POLR3E: variants seen among roughly 807,000 people sequenced by gnomAD.
POLR3E encodes the protein DNA-directed RNA polymerase III subunit RPC5.
Under a neutral mutation model 96.6 loss-of-function variants are expected in POLR3E, and 41 were observed. The ratio of observed to expected loss-of-function variants is 0.42; its 90% CI spans 0.33 to 0.55. The LOEUF is 0.55. POLR3E is among the 20% of genes least tolerant of loss of function. POLR3E has a pLI of 0.06. For missense variants in POLR3E, 849 were observed against 952.1 expected (o/e 0.89, Z 1.43); for synonymous variants, 396 against 383.6 (o/e 1.03, Z -0.38).
chr16:22,300,683 T>C (rs1009298839), intron 1 of POLR3E, among the ~76,000 whole-genome samples: 18 of 152,232 alleles, frequency 1.2e-4, no homozygotes, highest in Non-Finnish European at 2.5e-4. Context: ...CGAGATGCAC[T>C]GAAACTGTCC....
In POLR3E at chr16:22,316,852, C is replaced by A. The variant is rs376574532; in HGVS notation, c.729-143C>A. Reference sequence around the variant, plus strand: ...GGTGGGCCTGGAAAGAGATGGTCCACTTTTCTGCAGGGGCTCAGGGCTGCT... The same window carrying A: ...GGTGGGCCTGGAAAGAGATGGTCCAATTTTCTGCAGGGGCTCAGGGCTGCT... On this transcript the variant is annotated intron_variant, in intron 10 of 20. Coordinates refer to ENST00000299853, the MANE Select transcript of POLR3E (RefSeq NM_018119.4). 4 of 914,104 alleles carry A rather than the reference C, an allele frequency of 4.4e-6. No homozygotes were observed. The Admixed American group carries it at 5.8e-5, about 13-fold the overall frequency. 56.6% of individuals were successfully genotyped at this position (914,104 alleles called of 1,614,324 possible).
chr16:22,298,970 C>T (rs2047964601), intron 1 of POLR3E: 1 of 455,788 alleles, frequency 2.2e-6, no homozygotes, highest in Admixed American at 2.4e-5. Context: ...AACTGAAGCA[C>T]TGAGAAGCCT....
rs768183185 is a variant in POLR3E, at chr16:22,326,194, C to T, written c.1782C>T (p.Pro594=). Residue 594 remains proline (P), a synonymous_variant, in exon 18 of 21, where the codon CCC becomes CCT. Transcript: ENST00000299853. The part of the protein sequence containing the change: ...LFNLHLASLP[P]GHTLFSGISD... ...ATCTGCACTTGGCCAGCCTGCCCCC[C>T]GGCCACACACTCTTCAGCGGCATCT... 19 of 1,613,876 alleles carry T rather than the reference C, an allele frequency of 1.2e-5. No homozygotes were observed. The South Asian group carries it at 1.6e-4, about 14-fold the overall frequency.
chr16:22,311,268 C>CTTTTTT lies in POLR3E; in HGVS notation c.364+1775_364+1780dup, dbSNP rs57435708. ...ATAGGCATGAGCCACTGTGCCCAGC[C>CTTTTTT]TTTTTTTTTTTTTTTTTTTTTTAAT... is the stretch of plus-strand genomic sequence containing the variant. On this transcript the variant is annotated intron_variant, in intron 6 of 20. Coordinates refer to ENST00000299853, the MANE Select transcript of POLR3E (RefSeq NM_018119.4). Among the ~76,000 whole-genome samples, 132 of 109,400 alleles carry CTTTTTT rather than the reference C, an allele frequency of 1.2e-3. 3 individuals are homozygous for CTTTTTT. The highest frequency in any genetic ancestry group is 4.3e-3 in the African/African-American group (118 of 27,760). 71.8% of individuals were successfully genotyped at this position (109,400 alleles called of 152,430 possible).
At chr16:22,308,418 A>G in intron 4 of POLR3E, 193 bp downstream of exon 4, 1 of 582,040 alleles carries the variant, frequency 1.7e-6, no homozygotes, top group Non-Finnish European at 3.1e-6. Context: ...CCAGGGACGC[A>G]TGAGGCTGAT....
chr16:22,325,465 C>A (rs1156645459), intron 17 of POLR3E, 199 bp downstream of exon 17: 2 of 621,894 alleles, frequency 3.2e-6, no homozygotes, highest in Non-Finnish European at 5.7e-6. Flanking sequence ...GGGACGGAGG[C>A]TTGCGGATTC....
chr16:22,316,820 C>A, intron 10 of POLR3E, 134 bp downstream of exon 10: 2 of 983,164 alleles, frequency 2.0e-6, no homozygotes, highest in Non-Finnish European at 3.2e-6. Context: ...CTGGAGAAGG[C>A]CAGGAGGGTG....
intron 18 of POLR3E, chr16:22,327,650 A>C (rs1445280822): frequency 6.6e-6 from 1 of 152,244 alleles, no homozygotes. Context: ...GAGACCTCCG[A>C]TCCCAGCCAC....
intron 3 of POLR3E, among the ~76,000 whole-genome samples, chr16:22,306,141 A>G (rs1019535350): frequency 6.6e-5 from 10 of 152,130 alleles, no homozygotes; most frequent in African/African-American, 2.2e-4. Context: ...GACTTTTCAC[A>G]TAGCTGGAAT....
chr16:22,323,541 G>A (rs895958264), intron 14 of POLR3E, among the ~76,000 whole-genome samples: 20 of 152,090 alleles, frequency 1.3e-4, no homozygotes, highest in Non-Finnish European at 2.5e-4. Flanking sequence ...CCCTTGGCAC[G>A]CTGGTGTGCC....
intron 2 of POLR3E, among the ~76,000 whole-genome samples, chr16:22,304,441 C>T (rs956397879): frequency 2.0e-5 from 3 of 152,122 alleles, no homozygotes; most frequent in African/African-American, 2.4e-5. Flanking sequence ...CAAGGGACTC[C>T]GAGGACAGAG....
chr16:22,298,540 A>G (rs1358849084), intron 1 of POLR3E, among the ~76,000 whole-genome samples: 1 of 152,158 alleles, frequency 6.6e-6, no homozygotes, highest in Non-Finnish European at 1.5e-5. Context: ...TGGGTCACAG[A>G]TGCCAAGCAG....
chr16:22,297,540 G>C lies in POLR3E; in HGVS notation c.-39+3G>C, dbSNP rs1365541709. ...CCGCGCTCGGCCCCCGCGGAGAGGT[G>C]AGTCCCGTCTTGGCAGTGCCCGAGC... On this transcript the variant is annotated splice_donor_region_variant and intron_variant, in intron 1 of 20. Coordinates refer to ENST00000299853, the MANE Select transcript of POLR3E (RefSeq NM_018119.4). 5 of 152,504 alleles carry C rather than the reference G, an allele frequency of 3.3e-5. No homozygotes were observed. The highest frequency in any genetic ancestry group is 5.9e-5 in the Non-Finnish European group (4 of 68,242). The allele number at this position is 152,504 out of a possible 1,614,324, so 9.4% of individuals were successfully genotyped here. A position where few individuals can be genotyped will look rare whatever the true frequency, so the allele number is the denominator to read the frequency against.
intron 1 of POLR3E, chr16:22,299,003 C>T (rs1162954566): frequency 2.2e-6 from 1 of 455,940 alleles, no homozygotes; most frequent in Non-Finnish European, 4.4e-6. Flanking sequence ...CGTTCTATTG[C>T]AGAAGACAAA....
rs1325085400 is a variant in POLR3E at position 22,333,989 on chromosome 16, A to G, written c.*289A>G. 2 of 365,034 alleles carry G rather than the reference A, an allele frequency of 5.5e-6. No homozygotes were observed. Among genetic ancestry groups the G allele is most frequent in the Non-Finnish European group, 9.9e-6 (2 of 202,288 alleles). 22.6% of individuals were successfully genotyped at this position (365,034 alleles called of 1,614,324 possible). On this transcript the variant is annotated 3_prime_UTR_variant, in exon 21 of 21. Transcript: ENST00000299853. ...ATTATTTGGTTTCATTCTCATAATAAAGAGAGTGTATACTGACATGGGCAG... is the reference window on the plus strand; with the variant it reads ...ATTATTTGGTTTCATTCTCATAATAGAGAGAGTGTATACTGACATGGGCAG...
intron 18 of POLR3E, chr16:22,328,181 G>A: frequency 3.9e-6 from 1 of 258,636 alleles, no homozygotes; most frequent in Non-Finnish European, 7.4e-6. Flanking sequence ...AGTTGAGTTG[G>A]TGCCAGGCTG....
Position 22,313,284 on chromosome 16 carries a change from A to C in POLR3E, c.365-336A>C, listed in dbSNP as rs968741870. The stretch of plus-strand genomic sequence containing the variant: ...GGCCTGGAGGGTAAACAGCAGGGCG[A>C]ATTTGATGAGGATTAGCTGCCTAGT... On this transcript the variant is annotated intron_variant, in intron 6 of 20. Coordinates refer to ENST00000299853, the MANE Select transcript of POLR3E (RefSeq NM_018119.4). The surrounding 1 kb of genome is among the most constrained non-coding windows in gnomAD (Gnocchi z 4.1). Among the ~76,000 whole-genome samples the C allele has an allele frequency of 6.6e-6, 1 of 152,168 alleles. No homozygotes were observed. Among genetic ancestry groups the C allele is most frequent in the Non-Finnish European group, 1.5e-5 (1 of 68,022 alleles).
Position 22,322,973 on chromosome 16 carries a change from G to GA in POLR3E, c.1068+44dup. The GA allele has an allele frequency of 1.4e-6, 2 of 1,385,936 alleles. No individual in the cohort carries two copies. Among genetic ancestry groups the GA allele is most frequent in the Non-Finnish European group, 2.0e-6 (2 of 983,250 alleles). The allele number at this position is 1,385,936 out of a possible 1,614,324, so 85.9% of individuals were successfully genotyped here. A position where few individuals can be genotyped will look rare whatever the true frequency, so the allele number is the denominator to read the frequency against. On this transcript the variant is annotated intron_variant, in intron 14 of 20. Transcript: ENST00000299853. The surrounding 1 kb of genome is among the most constrained non-coding windows in gnomAD (Gnocchi z 5.2). The stretch of plus-strand genomic sequence containing the variant: ...CTCTGGACTCACGGTGGGGGCGTGG[G>GA]AAGAGGGGGGCAGCGGTGCAGGGCT...
intron 4 of POLR3E, 35 bp downstream of exon 4, chr16:22,308,260 A>G: frequency 6.5e-7 from 1 of 1,534,188 alleles, no homozygotes; most frequent in Non-Finnish European, 9.0e-7. Flanking sequence ...TGGGGCCGAA[A>G]GAGAGGGTGA....
Sources: gnomAD v4.1 joint callset for allele counts (sites outside exome capture counted in the v4.1 genomes callset) on GRCh38, gnomAD v4.1.1 for gene constraint, Gnocchi (gnomAD v3.1) non-coding constraint, MANE v1.5 for transcripts, NCBI Gene and HGNC (gene_info 2026-07-23, HGNC 2026-07-21) for gene names.